DENND1A: variants seen among roughly 807,000 people sequenced by gnomAD.
DENND1A encodes DENN domain-containing protein 1A.
A neutral mutation model predicts 113.7 loss-of-function variants in DENND1A; 51 were observed. The ratio of observed to expected loss-of-function variants is 0.45; its 90% CI spans 0.36 to 0.57. The LOEUF (loss-of-function observed/expected upper bound fraction) is 0.57, where lower values mean the gene tolerates loss of function less well. DENND1A is among the 20% of genes least tolerant of loss of function. The pLI is 0.00. For synonymous variants in DENND1A, 565 were observed against 570.8 expected, an observed-to-expected ratio of 0.99 and a Z score of 0.14; for missense variants, 1,258 against 1,395.9, an observed-to-expected ratio of 0.90 and a Z score of 1.57.
chr9:123,817,425 C>T (rs749050580), intron 2 of DENND1A, among the ~76,000 whole-genome samples: 1 of 152,168 alleles, frequency 6.6e-6, no homozygotes, highest in Non-Finnish European at 1.5e-5. Flanking sequence ...TAATCATCCA[C>T]GTGCAAGGTA....
chr9:123,632,896 TATAATA>T (rs372172540), intron 9 of DENND1A, among the ~76,000 whole-genome samples: 5 of 151,384 alleles, frequency 3.3e-5, no homozygotes, highest in South Asian at 2.1e-4. Context: ...AGGCACCTAT[TATAATA>T]ATAATAATAT....
chr9:123,662,245 T>C (rs1159162846), intron 8 of DENND1A, among the ~76,000 whole-genome samples: 1 of 152,208 alleles, frequency 6.6e-6, no homozygotes, highest in African/African-American at 2.4e-5. Context: ...ATTTCCAACC[T>C]AGAGTTCTAT....
chr9:123,776,825 T>A (rs1206781339), intron 3 of DENND1A, among the ~76,000 whole-genome samples: 1 of 152,166 alleles, frequency 6.6e-6, no homozygotes, highest in Admixed American at 6.5e-5. Flanking sequence ...TTGGCCTCAT[T>A]TGAGAGCATG....
chr9:123,571,077 A>ATT (rs368824177), intron 12 of DENND1A, among the ~76,000 whole-genome samples: 1 of 146,736 alleles, frequency 6.8e-6, no homozygotes, highest in Non-Finnish European at 1.5e-5. Flanking sequence ...TGCCAACCTC[A>ATT]TTTTTTTTTT....
chr9:123,439,214 C>A (rs947294951), intron 19 of DENND1A, among the ~76,000 whole-genome samples: 2 of 152,358 alleles, frequency 1.3e-5, no homozygotes, highest in South Asian at 2.1e-4. Context: ...GAGTATCACC[C>A]TGTGGATTCT....
intron 2 of DENND1A, among the ~76,000 whole-genome samples, chr9:123,810,960 T>C (rs1429782785): frequency 6.6e-6 from 1 of 151,760 alleles, no homozygotes; most frequent in Non-Finnish European, 1.5e-5. Flanking sequence ...GGTTTCACCA[T>C]GTTGGCCAGG....
intron 2 of DENND1A, among the ~76,000 whole-genome samples, chr9:123,810,957 C>T (rs1268125904): frequency 1.3e-5 from 2 of 151,650 alleles, no homozygotes; most frequent in African/African-American, 4.8e-5. Context: ...CAGGGTTTCA[C>T]CATGTTGGCC....
intron 13 of DENND1A, among the ~76,000 whole-genome samples, chr9:123,543,947 G>T (rs182139387): frequency 1.8e-4 from 28 of 152,240 alleles, no homozygotes; most frequent in Admixed American, 5.9e-4. Context: ...CTGCGGTGGG[G>T]ACCACTATTG....
intron 13 of DENND1A, among the ~76,000 whole-genome samples, chr9:123,500,485 C>A (rs973169057): frequency 1.3e-5 from 2 of 152,204 alleles, no homozygotes; most frequent in African/African-American, 2.4e-5. Context: ...CATTTCCCCC[C>A]TTCACTGTCT....
At chr9:123,720,238 A>T (rs2067243814) in intron 5 of DENND1A, among the ~76,000 whole-genome samples, 1 of 152,212 alleles carries the variant, frequency 6.6e-6, no homozygotes, top group South Asian at 2.1e-4. Flanking sequence ...CAGATTGGCA[A>T]CCACCAGCTA....
At chr9:123,746,541 A>C (rs1217701994) in intron 5 of DENND1A, among the ~76,000 whole-genome samples, 2 of 152,162 alleles carry the variant, frequency 1.3e-5, no homozygotes, top group Admixed American at 6.5e-5. Flanking sequence ...ATACCAGTTG[A>C]GCACCGCTAA....
chr9:123,769,806 T>C (rs1040417111), intron 3 of DENND1A, among the ~76,000 whole-genome samples: 2 of 152,224 alleles, frequency 1.3e-5, no homozygotes, highest in South Asian at 2.1e-4. Context: ...GCAGGAGCCA[T>C]GCAGGAAAGC....
At chr9:123,775,411 G>A (rs1294088574) in intron 3 of DENND1A, among the ~76,000 whole-genome samples, 1 of 151,974 alleles carries the variant, frequency 6.6e-6, no homozygotes, top group South Asian at 2.1e-4. Flanking sequence ...AAGGGGGGAG[G>A]AGGGGACACA....
chr9:123,640,739 A>T (rs1396827239), intron 9 of DENND1A, among the ~76,000 whole-genome samples: 1 of 152,322 alleles, frequency 6.6e-6, no homozygotes, highest in East Asian at 1.9e-4. Context: ...GGATCTTTTT[A>T]ACCACCTTGA....
intron 11 of DENND1A, among the ~76,000 whole-genome samples, chr9:123,587,732 G>T (rs1388610960): frequency 6.6e-6 from 1 of 152,154 alleles, no homozygotes; most frequent in African/African-American, 2.4e-5. Flanking sequence ...GTCCAACCTG[G>T]CATTGTCTTT....
rs1191521429 is a variant in DENND1A at position 123,671,303 on chromosome 9, G to C, written c.441C>G (p.Val147=). 2 of 1,614,064 alleles carry C rather than the reference G, an allele frequency of 1.2e-6. No homozygotes were observed. Among genetic ancestry groups the C allele is most frequent in the Non-Finnish European group, 1.7e-6 (2 of 1,179,990 alleles). The change falls in exon 7 of 24, where the codon GTC becomes GTG. Residue 147 remains valine, a synonymous_variant. Transcript: ENST00000394215. ...KLPIPDPGVS[V]HLSVHSYFTV... ...CCGCCCCACTTACCACGCTGAGATG[G>C]ACAGACACTCCTGGGTCAGGGATGG...
At chr9:123,803,213 T>C (rs1427694986) in intron 2 of DENND1A, among the ~76,000 whole-genome samples, 1 of 152,236 alleles carries the variant, frequency 6.6e-6, no homozygotes, top group Non-Finnish European at 1.5e-5. Flanking sequence ...GTTTCATGTA[T>C]ACTTGGAAAC....
rs936314571 is a variant in DENND1A at position 123,711,519 on chromosome 9, A to G, written c.303-34730T>C. Among the ~76,000 whole-genome samples the G allele has an allele frequency of 5.9e-3, 668 of 112,608 alleles. 15 individuals carry two copies. Among genetic ancestry groups the G allele is most frequent in the African/African-American group, 0.027 (605 of 22,172 alleles). The allele number at this position is 112,608 out of a possible 152,430, so 73.9% of individuals were successfully genotyped here. On this transcript the variant is annotated intron_variant, in intron 5 of 23. Transcript: ENST00000394215. ...TATATATATATGTATATATGTATAT[A>G]TATATATATATATATATATAAATTC...
chr9:123,715,355 G>A (rs1388509349), intron 5 of DENND1A, among the ~76,000 whole-genome samples: 2 of 152,106 alleles, frequency 1.3e-5, no homozygotes, highest in Non-Finnish European at 2.9e-5. Context: ...CACATAAAAA[G>A]AGCCTTGGTC....
Sources: gnomAD v4.1 joint callset for allele counts (sites outside exome capture counted in the v4.1 genomes callset) on GRCh38, gnomAD v4.1.1 for gene constraint, MANE v1.5 for transcripts, NCBI Gene and HGNC (gene_info 2026-07-23, HGNC 2026-07-21) for gene names.